SNED1: variants seen among roughly 807,000 people sequenced by gnomAD.
The protein encoded by SNED1 is sushi, nidogen and EGF like domains 1.
SNED1 carries 81 observed loss-of-function variants against 166.7 expected under a neutral mutation model. The observed-to-expected ratio is 0.49, with a 90% CI of 0.41 to 0.58. SNED1 has a LOEUF of 0.58. SNED1 is among the 20% of genes least tolerant of loss of function. The pLI is 0.00. For missense variants in SNED1, 1,604 were observed against 2,000.2 expected (o/e 0.80, Z 3.78); for synonymous variants, 762 against 822.0 (o/e 0.93, Z 1.25).
rs541991697 is a variant in SNED1 at position 241,077,342 on chromosome 2, T to C, written c.3916+3978T>C. Among the ~76,000 whole-genome samples the C allele has an allele frequency of 5.9e-5, 9 of 152,222 alleles. No homozygotes were observed. In the South Asian group the frequency reaches 1.9e-3, roughly 32 times the overall value. On this transcript the variant is annotated intron_variant, in intron 27 of 31. Coordinates refer to ENST00000310397, the MANE Select transcript of SNED1 (RefSeq NM_001080437.3). ...TCTTAGAAGAAAACATAGGAGTAAATCTTCATGACCTTCGATCATGAGGGT... is the reference window on the plus strand; with the variant it reads ...TCTTAGAAGAAAACATAGGAGTAAACCTTCATGACCTTCGATCATGAGGGT...
chr2:241,065,681 A>T, intron 21 of SNED1, 86 bp downstream of exon 21: 1 of 1,180,366 alleles, frequency 8.5e-7, no homozygotes. Context: ...GGCGGCTGTC[A>T]TGCCGTCCAC....
intron 1 of SNED1, among the ~76,000 whole-genome samples, chr2:241,014,932 C>A (rs2060532984): frequency 6.6e-6 from 1 of 152,160 alleles, no homozygotes; most frequent in South Asian, 2.1e-4. Context: ...TCCCCACACA[C>A]CCCCAGCGCC....
chr2:241,012,844 T>G (rs2060457499), intron 1 of SNED1, among the ~76,000 whole-genome samples: 1 of 149,858 alleles, frequency 6.7e-6, no homozygotes, highest in Non-Finnish European at 1.5e-5. Context: ...TTTTTTTTGT[T>G]GTTGTTTTTG....
In SNED1 at chr2:241,034,063, C is replaced by T. The variant is rs139158778; in HGVS notation, c.642+188C>T. On this transcript the variant is annotated intron_variant, in intron 3 of 31. Coordinates refer to ENST00000310397, the MANE Select transcript of SNED1 (RefSeq NM_001080437.3). ...GCCCAAAAACAGAAACATCCTCAGG[C>T]CCAAAGGCACCTTTGTCCCCCTGAC... is the stretch of plus-strand genomic sequence containing the variant. Among the ~76,000 whole-genome samples the T allele has an allele frequency of 4.8e-3, 734 of 152,320 alleles. 8 individuals are homozygous for T. Among genetic ancestry groups the T allele is most frequent in the African/African-American group, 0.017 (687 of 41,562 alleles).
At chr2:241,046,451 G>A (rs1405588933) in intron 8 of SNED1, among the ~76,000 whole-genome samples, 1 of 152,188 alleles carries the variant, frequency 6.6e-6, no homozygotes, top group Non-Finnish European at 1.5e-5. Flanking sequence ...CCTCTGTATG[G>A]TGGAATACTA....
At chr2:241,037,405 G>A (rs1201566028) in intron 6 of SNED1, 52 bp downstream of exon 6, 2 of 1,237,126 alleles carry the variant, frequency 1.6e-6, no homozygotes, top group Non-Finnish European at 2.3e-6. Context: ...CAGGATAGCG[G>A]GAGACACAGC....
intron 2 of SNED1, 34 bp from the exon 3 acceptor site, chr2:241,033,674 GGCAGGGCTTCCCTGGGCCAAGGGGAGT>G: frequency 6.5e-7 from 1 of 1,548,518 alleles, no homozygotes; most frequent in Non-Finnish European, 8.7e-7. Flanking sequence ...TGGTGGACAG[GGCAGGGCTTCCCTGGGCCAAGGGGAGT>G]GCAGGGCCCT....
intron 16 of SNED1, among the ~76,000 whole-genome samples, chr2:241,058,949 C>CAA (rs761376815): frequency 1.5e-5 from 2 of 130,852 alleles, no homozygotes; most frequent in African/African-American, 5.6e-5. Flanking sequence ...GACTCTGTTT[C>CAA]AAAAAAAAAA....
intron 16 of SNED1, among the ~76,000 whole-genome samples, chr2:241,062,219 G>A (rs992179123): frequency 7.2e-5 from 11 of 152,218 alleles, no homozygotes; most frequent in Non-Finnish European, 1.5e-5. Flanking sequence ...CAAGGGAAGA[G>A]AAGGGTACAC....
In SNED1 at chr2:241,049,911, C is replaced by G; in HGVS notation, c.1713C>G (p.Phe571Leu). The part of the protein sequence containing the change: ...DSYTCECPRG[F>L]HGKHCEKARP... ...ACACCTGCGAGTGCCCGCGCGGGTT[C>G]CACGGCAAGCACTGCGAGAAAGGTA... Residue 571 changes from phenylalanine (F) to leucine (L), a missense_variant, in exon 12 of 32, where the codon TTC becomes TTG. Physicochemically the swap from Phe to Leu is conservative, Grantham distance 22 (BLOSUM62 0). Around this residue, in one of 2 missense-constraint regions of SNED1, gnomAD observed 1,237 missense variants for 1,620.8 expected, o/e 0.76. Coordinates refer to ENST00000310397, the MANE Select transcript of SNED1 (RefSeq NM_001080437.3). 6.2e-7 allele frequency: 1 copy of G among 1,613,626 alleles called. No homozygotes were observed. Among genetic ancestry groups the G allele is most frequent in the Non-Finnish European group, 8.5e-7 (1 of 1,179,662 alleles).
chr2:241,065,717 C>T (rs1412521621), intron 21 of SNED1, 122 bp downstream of exon 21: 2 of 860,182 alleles, frequency 2.3e-6, no homozygotes, highest in South Asian at 1.7e-5. Context: ...AGCAGCAAGA[C>T]AGACAGCTGA....
At position 241,051,113 on chromosome 2, in the gene SNED1, G is replaced by A. The variant is rs368948700; in HGVS notation, c.1736-631G>A. Among the ~76,000 whole-genome samples the A allele has an allele frequency of 1.3e-5, 2 of 152,190 alleles. No homozygotes were observed. The highest frequency in any genetic ancestry group is 2.4e-5 in the African/African-American group (1 of 41,452). On this transcript the variant is annotated intron_variant, in intron 12 of 31. Coordinates refer to ENST00000310397, the MANE Select transcript of SNED1 (RefSeq NM_001080437.3). This position sits in a 1 kb window ranked among gnomAD's most constrained non-coding sequence, Gnocchi z 4.7. ...GAGCACAGTGGGGCAGGCCCCTCCCGCCACTCAGAACACCCAGGGGTCCAA... is the reference window on the plus strand; with the variant it reads ...GAGCACAGTGGGGCAGGCCCCTCCCACCACTCAGAACACCCAGGGGTCCAA...
In SNED1 at chr2:241,071,712, G is replaced by GCC; in HGVS notation, c.3731_3732dup (p.Arg1245ProfsTer13). The stretch of plus-strand genomic sequence containing the variant: ...ACAGCGCCCCCGAGACCCCCACCCA[G>GCC]CCCCCCAGGTACATGCCCCACCCAT... On this transcript the variant is annotated frameshift_variant, in exon 25 of 32. Transcript: ENST00000310397. LOFTEE classifies it high-confidence loss of function. The GCC allele has an allele frequency of 1.1e-6, 1 of 903,718 alleles. No homozygotes were observed. The highest frequency in any genetic ancestry group is 1.6e-6 in the Non-Finnish European group (1 of 637,146). The allele number at this position is 903,718 out of a possible 1,614,324, so 56.0% of individuals were successfully genotyped here. A position where few individuals can be genotyped will look rare whatever the true frequency, so the allele number is the denominator to read the frequency against.
At position 241,094,834 on chromosome 2, in the gene SNED1, C is replaced by T. The variant is rs1575178797; in HGVS notation, c.*3198C>T. 6.2e-6 allele frequency: 1 copy of T among 162,506 alleles called. No homozygotes were observed. Among genetic ancestry groups the T allele is most frequent in the South Asian group, 1.6e-4 (1 of 6,260 alleles). The allele number at this position is 162,506 out of a possible 1,614,324, so 10.1% of individuals were successfully genotyped here. ...TACCAAGGAGACTTGAATTTTGGTC[C>T]CATCATCAAAAATGCCTTCTGCATC... On this transcript the variant is annotated 3_prime_UTR_variant, in exon 32 of 32. Transcript: ENST00000310397. This position sits in a 1 kb window ranked among gnomAD's most constrained non-coding sequence, Gnocchi z 4.3.
chr2:241,006,237 T>C (rs1337933559), intron 1 of SNED1, among the ~76,000 whole-genome samples: 1 of 152,250 alleles, frequency 6.6e-6, no homozygotes, highest in Non-Finnish European at 1.5e-5. Context: ...AAGTTGTATT[T>C]GGATCTTTTC....
chr2:241,010,507 C>G (rs1313362858), intron 1 of SNED1: 1 of 152,550 alleles, frequency 6.6e-6, no homozygotes, highest in Non-Finnish European at 1.5e-5. Context: ...CCTCCAAGTC[C>G]CCAAGTCACT....
intron 20 of SNED1, 39 bp from the exon 21 acceptor site, chr2:241,065,260 G>A (rs2062391816): frequency 6.2e-7 from 1 of 1,607,904 alleles, no homozygotes; most frequent in South Asian, 1.1e-5. Context: ...GCTAACGGCT[G>A]ACCAGTCCCC....
chr2:240,998,561 G>GCC (rs536877002), upstream of SNED1, among the ~76,000 whole-genome samples: 162 of 151,836 alleles, frequency 1.1e-3, no homozygotes, highest in African/African-American at 3.5e-3. Context: ...GCATGGCCCC[G>GCC]CCCCCCCGAG....
Position 241,065,525 on chromosome 2 carries a change from C to A in SNED1, c.2940C>A (p.Val980=). 6.2e-7 allele frequency: 1 copy of A among 1,613,004 alleles called. No homozygotes were observed. The highest frequency in any genetic ancestry group is 8.5e-7 in the Non-Finnish European group (1 of 1,179,870). The change falls in exon 21 of 32, where the codon GTC becomes GTA. Residue 980 remains valine, a synonymous_variant. Coordinates refer to ENST00000310397, the MANE Select transcript of SNED1 (RefSeq NM_001080437.3). ...LAAGRAYNIS[V]FSVKRNSNNK... is the part of the protein sequence containing the mutation. ...CCGGCAGGGCCTACAACATCTCCGTCTTCTCAGTGAAGCGAAACAGTAACA... is the reference window on the plus strand; with the variant it reads ...CCGGCAGGGCCTACAACATCTCCGTATTCTCAGTGAAGCGAAACAGTAACA...
Sources: gnomAD v4.1 joint callset for allele counts (sites outside exome capture counted in the v4.1 genomes callset) on GRCh38, gnomAD v4.1.1 for gene constraint, gnomAD v4.1.1 regional missense constraint, Gnocchi (gnomAD v3.1) non-coding constraint, MANE v1.5 for transcripts, NCBI Gene and HGNC (gene_info 2026-07-23, HGNC 2026-07-21) for gene names.